Variants in STXBP6 observed in about 807,000 individuals in gnomAD.
STXBP6 encodes syntaxin-binding protein 6.
Under a neutral mutation model 26.9 loss-of-function variants are expected in STXBP6, and 21 were observed. The observed-to-expected ratio is 0.78, with a 90% CI of 0.55 to 1.12. The LOEUF (loss-of-function observed/expected upper bound fraction) is 1.12, where lower values mean the gene tolerates loss of function less well. Ranked by LOEUF, STXBP6 falls within the 50% of genes most tolerant of loss-of-function variation. The pLI, the probability that STXBP6 is intolerant of heterozygous loss-of-function variation, is 0.00. For synonymous variants in STXBP6, 97 were observed against 92.6 expected, an observed-to-expected ratio of 1.05 and a Z score of -0.27; for missense variants, 232 against 257.9, an observed-to-expected ratio of 0.90 and a Z score of 0.69.
At position 24,886,156 on chromosome 14, in the gene STXBP6, A is replaced by G. The variant is rs563944861; in HGVS notation, c.155-28999T>C. Among the ~76,000 whole-genome samples the G allele has an allele frequency of 2.1e-4, 32 of 152,224 alleles. 1 individual carries two copies. In the South Asian group the frequency reaches 6.4e-3, roughly 31 times the overall value. On this transcript the variant is annotated intron_variant, in intron 2 of 5. Coordinates refer to ENST00000323944, the MANE Select transcript of STXBP6 (RefSeq NM_001394410.1). ...ACCTGCGAAACTTCTACTTGCCCCA[A>G]TCGCTTTGAGTTCACAAAAAAGGAG...
At chr14:24,938,735 C>T (rs900916541) in intron 2 of STXBP6, among the ~76,000 whole-genome samples, 3 of 152,292 alleles carry the variant, frequency 2.0e-5, no homozygotes, top group Admixed American at 2.0e-4. Flanking sequence ...CTCCTGGAAG[C>T]AGGCCAGGGG....
chr14:24,898,680 A>C (rs988162474), intron 2 of STXBP6, among the ~76,000 whole-genome samples: 6 of 152,204 alleles, frequency 3.9e-5, no homozygotes, highest in African/African-American at 1.2e-4. Flanking sequence ...CCATCTCAAA[A>C]AAAACAAAAC....
At chr14:24,994,730 C>CG (rs1392569240) in intron 1 of STXBP6, 1 of 152,180 alleles carries the variant, frequency 6.6e-6, no homozygotes, top group Non-Finnish European at 1.5e-5. Context: ...TCTATATGGC[C>CG]GAGTGTGGTG....
chr14:25,001,635 A>G (rs965038017), intron 1 of STXBP6, among the ~76,000 whole-genome samples: 2 of 152,032 alleles, frequency 1.3e-5, no homozygotes, highest in Non-Finnish European at 2.9e-5. Context: ...CATGTTGTCT[A>G]TTTTTTTCCA....
chr14:24,942,111 A>G (rs1241137979), intron 2 of STXBP6, among the ~76,000 whole-genome samples: 1 of 152,238 alleles, frequency 6.6e-6, no homozygotes, highest in Non-Finnish European at 1.5e-5. Flanking sequence ...CAATGATTCA[A>G]TGAAATTGTA....
At chr14:24,998,282 G>A (rs1310085490) in intron 1 of STXBP6, among the ~76,000 whole-genome samples, 1 of 152,112 alleles carries the variant, frequency 6.6e-6, no homozygotes, top group Non-Finnish European at 1.5e-5. Context: ...TGGTTGTCTA[G>A]GAAGTGGGAA....
chr14:24,974,941 G>T, intron 1 of STXBP6, 91 bp from the exon 2 acceptor site: 4 of 803,356 alleles, frequency 5.0e-6, no homozygotes, highest in Non-Finnish European at 7.1e-6. Flanking sequence ...TGCAGGTGAA[G>T]TAATTTTCAA....
At chr14:25,048,726 T>C (rs2075761504) in intron 1 of STXBP6, among the ~76,000 whole-genome samples, 1 of 152,152 alleles carries the variant, frequency 6.6e-6, no homozygotes, top group African/African-American at 2.4e-5. Flanking sequence ...GCTCACAGCC[T>C]CGGCTGAAGC....
chr14:25,048,209 C>T (rs2075754545), intron 1 of STXBP6, among the ~76,000 whole-genome samples: 1 of 152,208 alleles, frequency 6.6e-6, no homozygotes, highest in Non-Finnish European at 1.5e-5. Flanking sequence ...GTAAAGAGCA[C>T]AGAGACAATA....
chr14:24,956,840 C>T (rs1423575989), intron 2 of STXBP6, among the ~76,000 whole-genome samples: 7 of 152,314 alleles, frequency 4.6e-5, no homozygotes, highest in Middle Eastern at 3.4e-3. Flanking sequence ...AATGGCACTT[C>T]GGGTGTCAAC....
At chr14:25,011,993 T>C (rs2075042789) in intron 1 of STXBP6, among the ~76,000 whole-genome samples, 1 of 152,208 alleles carries the variant, frequency 6.6e-6, no homozygotes, top group Non-Finnish European at 1.5e-5. Context: ...TTTTTTGTTT[T>C]TGTTTGTGAG....
chr14:24,870,929 T>C (rs910086412), intron 2 of STXBP6, among the ~76,000 whole-genome samples: 1 of 152,228 alleles, frequency 6.6e-6, no homozygotes, highest in South Asian at 2.1e-4. Context: ...TATTTGAGTA[T>C]GCCAGCATTT....
At chr14:24,819,339 T>C in intron 4 of STXBP6, 145 bp from the exon 5 acceptor site, 1 of 909,884 alleles carries the variant, frequency 1.1e-6, no homozygotes, top group Non-Finnish European at 1.7e-6. Flanking sequence ...CAAGCCGACA[T>C]TTCTTTTGAT....
rs551493354 is a variant in STXBP6, at chr14:25,007,818, G to A, written c.-32-32968C>T. On this transcript the variant is annotated intron_variant, in intron 1 of 5. Coordinates refer to ENST00000323944, the MANE Select transcript of STXBP6 (RefSeq NM_001394410.1). ...CACATTCTTTTGAACATCTCAAAAG[G>A]AGGTCTCACAGACAAGCCACTTTTT... 2.6e-5 allele frequency among the ~76,000 whole-genome samples: 4 copies of A among 152,214 alleles called. No homozygotes were observed. The South Asian group carries it at 6.2e-4, about 24-fold the overall frequency.
At chr14:25,005,021 G>A (rs1342665588) in intron 1 of STXBP6, among the ~76,000 whole-genome samples, 1 of 152,170 alleles carries the variant, frequency 6.6e-6, no homozygotes, top group Non-Finnish European at 1.5e-5. Context: ...CACAGTCACA[G>A]TATTAGTCAG....
At chr14:24,898,858 C>T (rs1184448165) in intron 2 of STXBP6, among the ~76,000 whole-genome samples, 1 of 152,042 alleles carries the variant, frequency 6.6e-6, no homozygotes, top group Non-Finnish European at 1.5e-5. Flanking sequence ...ATGCAGACTC[C>T]TAGAAAAACC....
Position 24,918,706 on chromosome 14 carries a change from G to A in STXBP6, c.154+55959C>T, listed in dbSNP as rs1595108834. 4.0e-5 allele frequency among the ~76,000 whole-genome samples: 6 copies of A among 151,882 alleles called. No homozygotes were observed. The South Asian group carries it at 1.2e-3, about 31-fold the overall frequency. ...TGGTACTCTCTTCTCCCTTATTACG[G>A]CAGTTTAACCAGTGGCTGGTACATT... On this transcript the variant is annotated intron_variant, in intron 2 of 5. Transcript: ENST00000323944.
chr14:24,812,972 C>T (rs988566427), intron 5 of STXBP6, among the ~76,000 whole-genome samples: 3 of 145,440 alleles, frequency 2.1e-5, no homozygotes, highest in Non-Finnish European at 4.7e-5. Flanking sequence ...GTGTATGCAT[C>T]CAGGCGGGAG....
At chr14:24,827,934 A>G (rs1291150455) in intron 4 of STXBP6, among the ~76,000 whole-genome samples, 1 of 152,242 alleles carries the variant, frequency 6.6e-6, no homozygotes, top group Non-Finnish European at 1.5e-5. Context: ...AACATACAAC[A>G]AATGAATTTG....
Sources: allele counts gnomAD v4.1 joint callset (sites outside exome capture counted in the v4.1 genomes callset), GRCh38; gene constraint gnomAD v4.1.1; transcripts MANE v1.5; gene names NCBI Gene and HGNC (gene_info 2026-07-23, HGNC 2026-07-21).